Variants in LMO2 observed in about 807,000 individuals in gnomAD.
The protein encoded by LMO2 is LIM domain only 2.
A neutral mutation model predicts 23.2 loss-of-function variants in LMO2; 20 were observed. That is an observed-to-expected ratio of 0.86 (90% CI 0.61 to 1.25). The LOEUF (loss-of-function observed/expected upper bound fraction) is 1.25. LMO2 is among the 50% of genes most tolerant of loss of function. The pLI is 0.00. For missense variants in LMO2, 270 were observed against 315.3 expected, an observed-to-expected ratio of 0.86 and a Z score of 1.09; for synonymous variants, 123 against 130.2, an observed-to-expected ratio of 0.94 and a Z score of 0.38.
intron 1 of LMO2, among the ~76,000 whole-genome samples, chr11:33,883,235 G>T (rs138163970): frequency 6.6e-6 from 1 of 152,202 alleles, no homozygotes; most frequent in Non-Finnish European, 1.5e-5. Flanking sequence ...ATATTTATTA[G>T]ATAAGTTAGT....
Position 33,869,700 on chromosome 11 carries a change from A to C in LMO2, c.7+10T>G. The C allele has an allele frequency of 7.7e-7, 1 of 1,296,666 alleles. No individual in the cohort carries two copies. Among genetic ancestry groups the C allele is most frequent in the Non-Finnish European group, 1.0e-6 (1 of 1,003,936 alleles). 80.3% of individuals were successfully genotyped at this position (1,296,666 alleles called of 1,614,324 possible). On this transcript the variant is annotated intron_variant, in intron 3 of 5. Coordinates refer to ENST00000257818, the MANE Select transcript of LMO2 (RefSeq NM_005574.4). ...GCGGCTGCAGCTGCTGCTGCTGCTC[A>C]GGACTTAACCTTCCATCCCGGTCCC...
intron 1 of LMO2, among the ~76,000 whole-genome samples, chr11:33,882,461 A>T (rs1262728715): frequency 6.6e-6 from 1 of 152,218 alleles, no homozygotes; most frequent in Non-Finnish European, 1.5e-5. Flanking sequence ...TAAACTAGAG[A>T]ACTGGATGAC....
intron 2 of LMO2, among the ~76,000 whole-genome samples, chr11:33,873,974 CTCT>C (rs1465250603): frequency 6.6e-6 from 1 of 151,576 alleles, no homozygotes; most frequent in Non-Finnish European, 1.5e-5. Context: ...TAATTTACCT[CTCT>C]TTTTTTTTCA....
intron 2 of LMO2, chr11:33,870,496 G>A: frequency 3.0e-6 from 3 of 987,282 alleles, no homozygotes; most frequent in Non-Finnish European, 3.6e-6. Context: ...TCCGGGCTGC[G>A]GGCTCCGGGC....
chr11:33,872,918 C>G (rs1410052450), intron 2 of LMO2, among the ~76,000 whole-genome samples: 1 of 152,114 alleles, frequency 6.6e-6, no homozygotes, highest in Non-Finnish European at 1.5e-5. Context: ...CTCGCCACCA[C>G]GCCTAGCTAA....
chr11:33,867,694 T>C (rs1856837865), intron 4 of LMO2, among the ~76,000 whole-genome samples: 1 of 152,196 alleles, frequency 6.6e-6, no homozygotes. Flanking sequence ...AGGAAGGAGC[T>C]GGTGAGCCTC....
chr11:33,870,026 T>A, intron 2 of LMO2, 39 bp from the exon 3 acceptor site: 1 of 889,244 alleles, frequency 1.1e-6, no homozygotes, highest in Non-Finnish European at 1.4e-6. Context: ...AAATCACATT[T>A]AAAGAGACAG....
Position 33,858,819 on chromosome 11 carries a change from C to T in LMO2, c.*537G>A, listed in dbSNP as rs1024164976. ...GTTTCCATTCTCAACCGAAATGCGT[C>T]TCCATGCAGTTTTCCTTGGGTCCAA... On this transcript the variant is annotated 3_prime_UTR_variant, in exon 6 of 6. Transcript: ENST00000257818. 8.8e-6 allele frequency: 2 copies of T among 227,748 alleles called. No homozygotes were observed. Among genetic ancestry groups the T allele is most frequent in the Non-Finnish European group, 1.7e-5 (2 of 114,840 alleles). 14.1% of individuals were successfully genotyped at this position (227,748 alleles called of 1,614,324 possible). A position where few individuals can be genotyped will look rare whatever the true frequency, so the allele number is the denominator to read the frequency against.
In LMO2 at chr11:33,877,713, C is replaced by T. The variant is rs532233588; in HGVS notation, c.-272+4111G>A. ...CTCCTGACCTCAGGTGATCTACACGCCTTGGCCTCCCAAAGTGCTAGGATT... is the reference window on the plus strand; with the variant it reads ...CTCCTGACCTCAGGTGATCTACACGTCTTGGCCTCCCAAAGTGCTAGGATT... On this transcript the variant is annotated intron_variant, in intron 2 of 5. Transcript: ENST00000257818. 2.6e-5 allele frequency among the ~76,000 whole-genome samples: 4 copies of T among 152,124 alleles called. No homozygotes were observed. In the South Asian group the frequency reaches 8.3e-4, roughly 32 times the overall value.
At chr11:33,872,195 G>A (rs1857041149) in intron 2 of LMO2, among the ~76,000 whole-genome samples, 1 of 152,320 alleles carries the variant, frequency 6.6e-6, no homozygotes, top group South Asian at 2.1e-4. Context: ...GGAGGCTGAG[G>A]CAGGAGAATC....
chr11:33,869,339 C>A lies in LMO2; in HGVS notation c.248+7G>T, dbSNP rs1856915098. ...GGGGGTGGCAGGGGCAGGGGGGCCG[C>A]ACTTACTCTGAAGGGTCCAGGCTCT... On this transcript the variant is annotated splice_region_variant and intron_variant, in intron 4 of 5. Coordinates refer to ENST00000257818, the MANE Select transcript of LMO2 (RefSeq NM_005574.4). 23 of 1,193,470 alleles carry A rather than the reference C, an allele frequency of 1.9e-5. No homozygotes were observed. Among genetic ancestry groups the A allele is most frequent in the Non-Finnish European group, 2.3e-5 (22 of 954,432 alleles). The allele number at this position is 1,193,470 out of a possible 1,614,324, so 73.9% of individuals were successfully genotyped here.
chr11:33,882,579 T>C (rs1472787194), intron 1 of LMO2, among the ~76,000 whole-genome samples: 1 of 152,234 alleles, frequency 6.6e-6, no homozygotes, highest in Non-Finnish European at 1.5e-5. Context: ...AGACACCGTA[T>C]TACCTAGCGG....
At chr11:33,886,939 G>A (rs1021266750) in intron 1 of LMO2, among the ~76,000 whole-genome samples, 2 of 152,168 alleles carry the variant, frequency 1.3e-5, no homozygotes, top group African/African-American at 4.8e-5. Flanking sequence ...CAGGGACTTC[G>A]CTCTTCCATC....
chr11:33,859,279 C>G lies in LMO2; in HGVS notation c.*77G>C, dbSNP rs1856476021. 3 of 1,099,196 alleles carry G rather than the reference C, an allele frequency of 2.7e-6. No individual in the cohort carries two copies. Among genetic ancestry groups the G allele is most frequent in the Non-Finnish European group, 4.1e-6 (3 of 733,904 alleles). 68.1% of individuals were successfully genotyped at this position (1,099,196 alleles called of 1,614,324 possible). ...CCCCACCCTCAAACCCCCAAAGTGC[C>G]TAAGAGTGAAGACGAAGATGCCATG... On this transcript the variant is annotated 3_prime_UTR_variant, in exon 6 of 6. Transcript: ENST00000257818.
chr11:33,861,437 G>C (rs186582512), intron 5 of LMO2, among the ~76,000 whole-genome samples: 1 of 152,206 alleles, frequency 6.6e-6, no homozygotes, highest in Non-Finnish European at 1.5e-5. Context: ...CTCATTGTTC[G>C]GGCCAGGGCC....
intron 2 of LMO2, among the ~76,000 whole-genome samples, chr11:33,878,432 A>G (rs1857188473): frequency 6.6e-6 from 1 of 152,220 alleles, no homozygotes; most frequent in Admixed American, 6.5e-5. Context: ...TCTCTGCTTT[A>G]CAACTTACTA....
At chr11:33,878,633 T>C (rs1162182514) in intron 2 of LMO2, among the ~76,000 whole-genome samples, 1 of 152,194 alleles carries the variant, frequency 6.6e-6, no homozygotes, top group Non-Finnish European at 1.5e-5. Flanking sequence ...TCTCCAGTCT[T>C]CTCTGCTTCT....
intron 1 of LMO2, among the ~76,000 whole-genome samples, chr11:33,889,064 T>C (rs547410638): frequency 6.6e-6 from 1 of 152,094 alleles, no homozygotes; most frequent in East Asian, 1.9e-4. Context: ...ACTGAGAAAA[T>C]GGATCTTTAA....
intron 1 of LMO2, among the ~76,000 whole-genome samples, chr11:33,889,761 A>G (rs184883465): frequency 6.6e-6 from 1 of 152,362 alleles, no homozygotes; most frequent in Non-Finnish European, 1.5e-5. Context: ...AGAGAACTAA[A>G]ATTAGAACTA....
Sources: allele counts gnomAD v4.1 joint callset (sites outside exome capture counted in the v4.1 genomes callset), GRCh38; gene constraint gnomAD v4.1.1; transcripts MANE v1.5; gene names NCBI Gene and HGNC (gene_info 2026-07-23, HGNC 2026-07-21).